The following DPF3 variants were observed in gnomAD, a reference collection of about 807,000 sequenced individuals.
The protein encoded by DPF3 is double PHD fingers 3, also known as zinc finger protein DPF3.
A neutral mutation model predicts 56.8 loss-of-function variants in DPF3; 18 were observed. That is an observed-to-expected ratio of 0.32 (90% confidence interval 0.22 to 0.47). The LOEUF (loss-of-function observed/expected upper bound fraction) is 0.47, where lower values mean the gene tolerates loss of function less well. DPF3 is among the 20% of genes least tolerant of loss of function. The pLI, the probability that DPF3 is intolerant of heterozygous loss-of-function variation, is 1.00. For missense variants in DPF3, 403 were observed against 488.8 expected (o/e 0.82, Z 1.65); for synonymous variants, 188 against 180.2 (o/e 1.04, Z -0.35).
Position 72,611,247 on chromosome 14 carries a change from A to G in DPF3, c.*8050T>C, listed in dbSNP as rs1883704816. Among the ~76,000 whole-genome samples, 1 of 152,242 alleles carries G rather than the reference A, an allele frequency of 6.6e-6. No individual in the cohort carries two copies. The highest frequency in any genetic ancestry group is 2.1e-4 in the South Asian group (1 of 4,826). ...CTTCAGGGAATAACTCAAAGCTGAA[A>G]TCTGGCTGTGACACGTGTGGAGAAA... On this transcript the variant is annotated 3_prime_UTR_variant, in exon 11 of 11. Transcript: ENST00000556509.
In DPF3 at chr14:72,894,060, T is replaced by C; in HGVS notation, c.29A>G (p.Lys10Arg). The change falls in exon 1 of 11, where the codon AAA becomes AGA. Residue 10 changes from lysine (K) to arginine (R), a missense_variant. Around this residue, in one of 2 missense-constraint regions of DPF3, gnomAD observed 340 missense variants for 374.3 expected, o/e 0.91. Transcript: ENST00000556509. ...TACATTTTTTAGTCTTACTTACGCT[T>C]TCAGGGGGTTGTGAATGACAGTCGC... MATVIHNPL[K>R]ALGDQFYKEA... The C allele has an allele frequency of 6.2e-7, 1 of 1,610,712 alleles. No individual in the cohort carries two copies. The highest frequency in any genetic ancestry group is 8.5e-7 in the Non-Finnish European group (1 of 1,178,760).
chr14:72,736,095 T>C (rs747037769), intron 3 of DPF3, among the ~76,000 whole-genome samples: 14 of 152,348 alleles, frequency 9.2e-5, no homozygotes, highest in Non-Finnish European at 1.9e-4. Context: ...CGGCCACTTA[T>C]GTAATTTTTA....
At chr14:72,655,630 TTGCCAC>T (rs1886041752) in intron 8 of DPF3, among the ~76,000 whole-genome samples, 1 of 152,226 alleles carries the variant, frequency 6.6e-6, no homozygotes, top group Non-Finnish European at 1.5e-5. Flanking sequence ...AAAATGTGTC[TTGCCAC>T]TGCATTCACT....
rs882319 is a variant in DPF3 at position 72,664,465 on chromosome 14, C to A, written c.871+9775G>T. On this transcript the variant is annotated intron_variant, in intron 8 of 10. Coordinates refer to ENST00000556509, the MANE Select transcript of DPF3 (RefSeq NM_001280542.3). ...CTCTGGTCAGGTCAACTGCAGGCCA[C>A]AAAAATGAAACAATGTGCAGCTGTG... Among the ~76,000 whole-genome samples, 671 of 152,090 alleles carry A rather than the reference C, an allele frequency of 4.4e-3. 5 individuals are homozygous for A. The highest frequency in any genetic ancestry group is 0.015 in the African/African-American group (642 of 41,486).
chr14:72,848,755 G>A (rs888865888), intron 1 of DPF3, among the ~76,000 whole-genome samples: 1 of 152,188 alleles, frequency 6.6e-6, no homozygotes, highest in Non-Finnish European at 1.5e-5. Context: ...CAGGAGTTCA[G>A]GACAGAGAGA....
At chr14:72,639,910 A>G (rs1228335939) in intron 8 of DPF3, among the ~76,000 whole-genome samples, 1 of 152,056 alleles carries the variant, frequency 6.6e-6, no homozygotes, top group Non-Finnish European at 1.5e-5. Context: ...CAATGTGATA[A>G]GTGCCATAAT....
intron 3 of DPF3, among the ~76,000 whole-genome samples, chr14:72,736,915 G>GAT (rs1163577347): frequency 6.6e-6 from 1 of 151,516 alleles, no homozygotes; most frequent in East Asian, 1.9e-4. Context: ...TATACACATG[G>GAT]ATATAAACCC....
chr14:72,825,822 G>A (rs985227704), intron 1 of DPF3, among the ~76,000 whole-genome samples: 1 of 151,968 alleles, frequency 6.6e-6, no homozygotes, highest in African/African-American at 2.4e-5. Flanking sequence ...TAAGGAGCTG[G>A]TCATTTGGAA....
chr14:72,664,034 G>A (rs559759631), intron 8 of DPF3, among the ~76,000 whole-genome samples: 10 of 151,934 alleles, frequency 6.6e-5, no homozygotes, highest in African/African-American at 1.9e-4. Context: ...TTTCTGATCC[G>A]CTTTGCTGGT....
chr14:72,797,644 C>T (rs1198699461), intron 1 of DPF3, among the ~76,000 whole-genome samples: 1 of 152,184 alleles, frequency 6.6e-6, no homozygotes, highest in Non-Finnish European at 1.5e-5. Flanking sequence ...GGGTTGGCTG[C>T]TACCTAATTT....
intron 3 of DPF3, among the ~76,000 whole-genome samples, chr14:72,739,135 G>A (rs534150326): frequency 2.0e-5 from 3 of 151,840 alleles, no homozygotes; most frequent in African/African-American, 4.8e-5. Context: ...CCAGTGACTC[G>A]AGAGGCTGAG....
intron 3 of DPF3, among the ~76,000 whole-genome samples, chr14:72,748,181 T>G (rs1447223759): frequency 1.3e-5 from 2 of 152,222 alleles, no homozygotes; most frequent in Non-Finnish European, 2.9e-5. Flanking sequence ...GATAGTGATA[T>G]GGACAATAAA....
chr14:72,648,957 C>T (rs1014349046), intron 8 of DPF3, among the ~76,000 whole-genome samples: 3 of 152,250 alleles, frequency 2.0e-5, no homozygotes, highest in African/African-American at 7.2e-5. Context: ...CCCTCCTTTC[C>T]ACACTCTCCC....
At position 72,693,140 on chromosome 14, in the gene DPF3, CT is replaced by C; in HGVS notation, c.677del (p.Glu226GlyfsTer46). On this transcript the variant is annotated frameshift_variant, in exon 7 of 11. Coordinates refer to ENST00000556509, the MANE Select transcript of DPF3 (RefSeq NM_001280542.3). LOFTEE classifies it high-confidence loss of function. ...HYAHTHLASE[E>X]GDEAQDQETR... ...TCTCCTGGTCTTGAGCTTCATCCCCCTCCTCGCTGGCCAGGTGAGTGTGAGC... is the reference window on the plus strand; with the variant it reads ...TCTCCTGGTCTTGAGCTTCATCCCCCCCTCGCTGGCCAGGTGAGTGTGAGC... 6.2e-7 allele frequency: 1 copy of C among 1,614,052 alleles called. No homozygotes were observed. The highest frequency in any genetic ancestry group is 8.5e-7 in the Non-Finnish European group (1 of 1,179,900).
intron 3 of DPF3, among the ~76,000 whole-genome samples, chr14:72,751,837 C>A (rs1384368639): frequency 6.6e-6 from 1 of 152,094 alleles, no homozygotes; most frequent in African/African-American, 2.4e-5. Flanking sequence ...TTGCATCATG[C>A]TGTCTAGGAG....
intron 1 of DPF3, among the ~76,000 whole-genome samples, chr14:72,791,592 C>A (rs561871046): frequency 6.6e-6 from 1 of 152,164 alleles, no homozygotes; most frequent in Non-Finnish European, 1.5e-5. Flanking sequence ...TTAAGGGACC[C>A]CTCAGATGAT....
intron 8 of DPF3, among the ~76,000 whole-genome samples, chr14:72,640,415 T>C (rs548493077): frequency 1.8e-4 from 27 of 152,208 alleles, no homozygotes; most frequent in Middle Eastern, 3.2e-3. Context: ...ATCTATTCAA[T>C]GAGTTTGTAT....
At chr14:72,818,396 T>C (rs940874238) in intron 1 of DPF3, among the ~76,000 whole-genome samples, 1 of 152,108 alleles carries the variant, frequency 6.6e-6, no homozygotes, top group Non-Finnish European at 1.5e-5. Context: ...AAGACATTGT[T>C]ATGCTGGGTG....
At position 72,609,519 on chromosome 14, in the gene DPF3, G is replaced by A. The variant is rs1883598424; in HGVS notation, c.*9778C>T. On this transcript the variant is annotated 3_prime_UTR_variant, in exon 11 of 11. Coordinates refer to ENST00000556509, the MANE Select transcript of DPF3 (RefSeq NM_001280542.3). ...TGGCACAGCCTCAATCTCCAACACTGAAACACTGAGAGAGCTTGATACGTT... is the reference window on the plus strand; with the variant it reads ...TGGCACAGCCTCAATCTCCAACACTAAAACACTGAGAGAGCTTGATACGTT... 6.6e-6 allele frequency among the ~76,000 whole-genome samples: 1 copy of A among 152,166 alleles called. No homozygotes were observed. Among genetic ancestry groups the A allele is most frequent in the Non-Finnish European group, 1.5e-5 (1 of 68,040 alleles).
Sources: gnomAD v4.1 joint callset for allele counts (sites outside exome capture counted in the v4.1 genomes callset) on GRCh38, gnomAD v4.1.1 for gene constraint, gnomAD v4.1.1 regional missense constraint, MANE v1.5 for transcripts, NCBI Gene and HGNC (gene_info 2026-07-23, HGNC 2026-07-21) for gene names.